Variants in ELOVL5 observed in about 807,000 individuals in gnomAD.
The protein encoded by ELOVL5 is ELOVL fatty acid elongase 5.
ELOVL5 carries 8 observed loss-of-function variants against 38.6 expected under a neutral mutation model. The observed-to-expected ratio is 0.21, with a 90% CI of 0.12 to 0.37. The LOEUF is 0.37. ELOVL5 is among the 10% of genes least tolerant of loss of function. ELOVL5 has a pLI of 1.00. For synonymous variants in ELOVL5, 127 were observed against 133.7 expected, an observed-to-expected ratio of 0.95 and a Z score of 0.34; for missense variants, 280 against 367.8, an observed-to-expected ratio of 0.76 and a Z score of 1.95.
chr6:53,342,805 A>G (rs1480381824), intron 1 of ELOVL5, among the ~76,000 whole-genome samples: 1 of 152,206 alleles, frequency 6.6e-6, no homozygotes, highest in African/African-American at 2.4e-5. Context: ...ACTAAGACAT[A>G]CTCATGCCTG....
At chr6:53,304,710 A>G (rs1464479099) in intron 1 of ELOVL5, among the ~76,000 whole-genome samples, 3 of 152,190 alleles carry the variant, frequency 2.0e-5, no homozygotes, top group African/African-American at 7.2e-5. Flanking sequence ...CTGAGTGGAC[A>G]CAGCACATGT....
At chr6:53,277,488 C>G (rs1301672283) in intron 3 of ELOVL5, among the ~76,000 whole-genome samples, 2 of 152,142 alleles carry the variant, frequency 1.3e-5, no homozygotes, top group African/African-American at 2.4e-5. Context: ...CCAGCTAATT[C>G]CTGTGGGCTT....
Position 53,306,223 on chromosome 6 carries a change from AG to A in ELOVL5, c.-8-10517del, listed in dbSNP as rs1417725806. ...GGGGAGGAGAAAGGGGAGAGGGGAG[AG>A]GGGAGAGGGGAGAGGGAGAGGGGAG... On this transcript the variant is annotated intron_variant, in intron 1 of 7. Coordinates refer to ENST00000304434, the MANE Select transcript of ELOVL5 (RefSeq NM_021814.5). Among the ~76,000 whole-genome samples the A allele has an allele frequency of 6.5e-4, 14 of 21,640 alleles. 1 individual carries two copies. Among genetic ancestry groups the A allele is most frequent in the African/African-American group, 4.5e-3 (9 of 2,004 alleles). 14.2% of individuals were successfully genotyped at this position (21,640 alleles called of 152,430 possible). A position where few individuals can be genotyped will look rare whatever the true frequency, so the allele number is the denominator to read the frequency against.
At chr6:53,319,289 A>C (rs1768195531) in intron 1 of ELOVL5, among the ~76,000 whole-genome samples, 1 of 18,810 alleles carries the variant, frequency 5.3e-5, no homozygotes, top group Admixed American at 4.3e-4. Context: ...AAAAAAAAAA[A>C]AAAAAAAAAA....
intron 1 of ELOVL5, among the ~76,000 whole-genome samples, chr6:53,330,988 G>T (rs1581989543): frequency 6.6e-6 from 1 of 152,274 alleles, no homozygotes; most frequent in East Asian, 1.9e-4. Context: ...TGAAAGACCT[G>T]CCGGAAGCTG....
intron 1 of ELOVL5, among the ~76,000 whole-genome samples, chr6:53,298,289 T>C (rs1410549797): frequency 1.3e-5 from 2 of 152,220 alleles, no homozygotes; most frequent in Non-Finnish European, 2.9e-5. Context: ...ATGGATTGAA[T>C]AAGTGATGGA....
chr6:53,288,243 G>T (rs1478962856), intron 3 of ELOVL5, among the ~76,000 whole-genome samples: 4 of 152,152 alleles, frequency 2.6e-5, no homozygotes, highest in African/African-American at 9.7e-5. Context: ...CACATGGATA[G>T]TGCAAAAAAT....
At chr6:53,341,316 G>GT (rs1160221080) in intron 1 of ELOVL5, among the ~76,000 whole-genome samples, 3 of 152,170 alleles carry the variant, frequency 2.0e-5, no homozygotes, top group Non-Finnish European at 4.4e-5. Context: ...CTCCCAGAAT[G>GT]TAACGATGAA....
At chr6:53,287,215 C>A (rs555740229) in intron 3 of ELOVL5, among the ~76,000 whole-genome samples, 1 of 152,156 alleles carries the variant, frequency 6.6e-6, no homozygotes, top group Non-Finnish European at 1.5e-5. Flanking sequence ...TCACACTATT[C>A]ACAACATATA....
At chr6:53,346,482 T>C (rs1412763829) in intron 1 of ELOVL5, among the ~76,000 whole-genome samples, 3 of 152,134 alleles carry the variant, frequency 2.0e-5, no homozygotes, top group African/African-American at 4.8e-5. Flanking sequence ...TTTATGTACA[T>C]GTGCGTATTA....
chr6:53,305,315 G>A (rs1490261139), intron 1 of ELOVL5, among the ~76,000 whole-genome samples: 1 of 131,034 alleles, frequency 7.6e-6, no homozygotes, highest in Non-Finnish European at 1.6e-5. Context: ...CAGGGCGGCT[G>A]GCCGGGCAGG....
intron 1 of ELOVL5, among the ~76,000 whole-genome samples, chr6:53,342,986 A>AAC (rs1769390985): frequency 6.6e-6 from 1 of 152,218 alleles, no homozygotes; most frequent in South Asian, 2.1e-4. Context: ...CCATGGAGCA[A>AAC]ACACGCCAGT....
Position 53,325,025 on chromosome 6 carries a change from T to G in ELOVL5, c.-9+23792A>C, listed in dbSNP as rs535849381. Among the ~76,000 whole-genome samples, 16 of 152,248 alleles carry G rather than the reference T, an allele frequency of 1.1e-4. No individual in the cohort carries two copies. The South Asian group carries it at 3.1e-3, about 30-fold the overall frequency. On this transcript the variant is annotated intron_variant, in intron 1 of 7. Coordinates refer to ENST00000304434, the MANE Select transcript of ELOVL5 (RefSeq NM_021814.5). ...TCTGGACACTGATAACCCTGTTCCA[T>G]CTAGACCGAAACAAGGTAGAAAAGC... is the stretch of plus-strand genomic sequence containing the variant.
At chr6:53,289,847 A>G (rs1236792441) in intron 3 of ELOVL5, among the ~76,000 whole-genome samples, 1 of 152,240 alleles carries the variant, frequency 6.6e-6, no homozygotes, top group Admixed American at 6.5e-5. Flanking sequence ...ACCAAATGTG[A>G]ATACCATCAA....
chr6:53,347,692 C>A (rs1769617148), intron 1 of ELOVL5, among the ~76,000 whole-genome samples: 2 of 152,304 alleles, frequency 1.3e-5, no homozygotes, highest in South Asian at 4.1e-4. Context: ...GCTAATAAAC[C>A]ATGCACTGGA....
chr6:53,282,718 G>A (rs374002038), intron 3 of ELOVL5, among the ~76,000 whole-genome samples: 35 of 152,218 alleles, frequency 2.3e-4, no homozygotes, highest in African/African-American at 7.9e-4. Flanking sequence ...CTGCTAAATG[G>A]GAAAAAGAAC....
intron 4 of ELOVL5, among the ~76,000 whole-genome samples, chr6:53,275,776 G>A (rs1008105375): frequency 1.3e-5 from 2 of 152,216 alleles, no homozygotes; most frequent in Non-Finnish European, 2.9e-5. Flanking sequence ...ATGCTGAGCT[G>A]CGACTGTTGG....
chr6:53,339,530 C>T (rs1025283500), intron 1 of ELOVL5, among the ~76,000 whole-genome samples: 11 of 152,272 alleles, frequency 7.2e-5, no homozygotes, highest in Admixed American at 3.9e-4. Context: ...AGTCACGCAT[C>T]GCATAATGAC....
chr6:53,315,546 C>T (rs1767994941), intron 1 of ELOVL5, among the ~76,000 whole-genome samples: 2 of 152,178 alleles, frequency 1.3e-5, no homozygotes, highest in Admixed American at 1.3e-4. Flanking sequence ...CACATAATCT[C>T]CACTTTATGA....
Sources: gnomAD v4.1 joint callset for allele counts (sites outside exome capture counted in the v4.1 genomes callset) on GRCh38, gnomAD v4.1.1 for gene constraint, MANE v1.5 for transcripts, NCBI Gene and HGNC (gene_info 2026-07-23, HGNC 2026-07-21) for gene names.